Variants in ST18 observed in about 807,000 individuals in gnomAD.
ST18 encodes suppression of tumorigenicity 18 protein.
Under a neutral mutation model 110.0 loss-of-function variants are expected in ST18, and 50 were observed. The observed-to-expected ratio is 0.45, with a 90% CI of 0.36 to 0.58. ST18 has a LOEUF of 0.58. Among genes scored for constraint, ST18 ranks in the 20% least tolerant of loss-of-function variants. The probability of loss-of-function intolerance (pLI) is 0.00; values close to 1 mark genes in which losing one functional copy is unlikely to be tolerated. For missense variants in ST18, 1,306 were observed against 1,280.1 expected (o/e 1.02, Z -0.31); for synonymous variants, 461 against 452.4 (o/e 1.02, Z -0.24).
intron 2 of ST18, chr8:52,296,560 TGTAA>T (rs1179063502): frequency 2.0e-5 from 3 of 152,210 alleles, no homozygotes; most frequent in African/African-American, 7.2e-5. Flanking sequence ...CTGGTGGTAA[TGTAA>T]GTAACTCAGC....
intron 17 of ST18, 141 bp downstream of exon 17, chr8:52,142,789 G>C (rs780131350): frequency 3.4e-5 from 21 of 617,612 alleles, no homozygotes; most frequent in Non-Finnish European, 6.0e-5. Context: ...GCTCAGGTTA[G>C]ATGCGTGTTT....
At chr8:52,283,393 A>G (rs1047644704) in intron 2 of ST18, among the ~76,000 whole-genome samples, 5 of 152,214 alleles carry the variant, frequency 3.3e-5, no homozygotes, top group Non-Finnish European at 7.3e-5. Context: ...TGCTTATGAG[A>G]TAACTCAGGT....
intron 2 of ST18, among the ~76,000 whole-genome samples, chr8:52,317,598 G>C (rs190809163): frequency 1.3e-5 from 2 of 152,118 alleles, no homozygotes; most frequent in African/African-American, 4.8e-5. Flanking sequence ...CTCCCTATAC[G>C]TCATGGTGTG....
intron 3 of ST18, among the ~76,000 whole-genome samples, chr8:52,223,427 T>C (rs984741193): frequency 6.6e-6 from 1 of 152,146 alleles, no homozygotes; most frequent in Non-Finnish European, 1.5e-5. Flanking sequence ...GTGGATCACA[T>C]GAGGCCAGGA....
chr8:52,173,815 T>C (rs1393466454), intron 9 of ST18, among the ~76,000 whole-genome samples: 1 of 152,110 alleles, frequency 6.6e-6, no homozygotes, highest in Non-Finnish European at 1.5e-5. Context: ...ATAAACATCT[T>C]TGGAGGGAAG....
intron 2 of ST18, among the ~76,000 whole-genome samples, chr8:52,375,685 T>A (rs1429673267): frequency 6.6e-6 from 1 of 152,168 alleles, no homozygotes; most frequent in Admixed American, 6.5e-5. Flanking sequence ...ACCCTCCGTA[T>A]GCCAATAACT....
At chr8:52,327,373 C>A (rs1017748026) in intron 2 of ST18, among the ~76,000 whole-genome samples, 2 of 152,178 alleles carry the variant, frequency 1.3e-5, no homozygotes, top group Non-Finnish European at 2.9e-5. Flanking sequence ...TCTGTCCAGC[C>A]ATCTCAACTC....
chr8:52,226,609 G>T (rs565956139), intron 3 of ST18, among the ~76,000 whole-genome samples: 1 of 152,098 alleles, frequency 6.6e-6, no homozygotes, highest in Admixed American at 6.6e-5. Context: ...TCCTGGCTTC[G>T]AAAGAAATAA....
chr8:52,164,001 G>C lies in ST18; in HGVS notation c.1385C>G (p.Pro462Arg), dbSNP rs2062158351. Residue 462 changes from proline to arginine, a missense_variant, in exon 13 of 26, where the codon CCT becomes CGT. Physicochemically the swap from Pro to Arg is moderately radical, Grantham distance 103. Transcript: ENST00000689386. ...GGGTTCATACCTGTGGGCCTGGTCAGGACACTGCCCAGTTTGGGGAGAATC... is the reference window on the plus strand; with the variant it reads ...GGGTTCATACCTGTGGGCCTGGTCACGACACTGCCCAGTTTGGGGAGAATC... ...QLDSPQTGQC[P>R]DQAHRTSLVK... 6.2e-7 allele frequency: 1 copy of C among 1,613,976 alleles called. No individual in the cohort carries two copies. The highest frequency in any genetic ancestry group is 8.5e-7 in the Non-Finnish European group (1 of 1,179,914).
intron 2 of ST18, among the ~76,000 whole-genome samples, chr8:52,327,586 T>C (rs2140012777): frequency 1.3e-5 from 2 of 152,378 alleles, no homozygotes; most frequent in East Asian, 3.9e-4. Context: ...ACCACTGTTT[T>C]ATGTTTTTCA....
intron 2 of ST18, among the ~76,000 whole-genome samples, chr8:52,354,047 C>T (rs2140350143): frequency 6.6e-6 from 1 of 152,242 alleles, no homozygotes; most frequent in East Asian, 1.9e-4. Context: ...CAGCCCAAGT[C>T]CAGCACCAAA....
intron 2 of ST18, among the ~76,000 whole-genome samples, chr8:52,241,034 C>T (rs1319240907): frequency 6.6e-6 from 1 of 152,208 alleles, no homozygotes; most frequent in African/African-American, 2.4e-5. Context: ...TCTGAATCTC[C>T]TATCTTGGCT....
intron 21 of ST18, 25 bp from the exon 22 acceptor site, chr8:52,132,204 C>T: frequency 6.3e-7 from 1 of 1,586,616 alleles, no homozygotes; most frequent in Non-Finnish European, 8.6e-7. Flanking sequence ...GAGACATTAC[C>T]AGCCAGGAAG....
At chr8:52,312,707 T>A (rs1466943650) in intron 2 of ST18, among the ~76,000 whole-genome samples, 1 of 152,204 alleles carries the variant, frequency 6.6e-6, no homozygotes, top group Non-Finnish European at 1.5e-5. Flanking sequence ...AGTATTCATT[T>A]AGTGCTGCTC....
chr8:52,261,468 C>G (rs1439323634), intron 2 of ST18, among the ~76,000 whole-genome samples: 3 of 152,152 alleles, frequency 2.0e-5, no homozygotes, highest in Non-Finnish European at 4.4e-5. Context: ...GATTCAAGAC[C>G]CTTTTTCATT....
chr8:52,150,827 G>T (rs1399232259), intron 15 of ST18: 1 of 152,036 alleles, frequency 6.6e-6, no homozygotes, highest in Admixed American at 6.6e-5. Flanking sequence ...TTTCTGTGTC[G>T]GGAGGAACAG....
At chr8:52,325,506 C>A (rs888060911) in intron 2 of ST18, among the ~76,000 whole-genome samples, 41 of 152,250 alleles carry the variant, frequency 2.7e-4, no homozygotes, top group African/African-American at 8.2e-4. Flanking sequence ...TCCCTATAAT[C>A]ATTATGCATC....
intron 2 of ST18, among the ~76,000 whole-genome samples, chr8:52,383,192 T>C (rs1216109627): frequency 6.6e-6 from 1 of 152,196 alleles, no homozygotes; most frequent in African/African-American, 2.4e-5. Flanking sequence ...AAATTAACTT[T>C]ATTAGAAAGA....
In ST18 at chr8:52,166,291, T is replaced by A. The variant is rs375328290; in HGVS notation, c.1204+561A>T. ...AATTCCCAGAGAGAATGAACAACTT[T>A]CCCACAAGCACACTTTAAAAATGCA... On this transcript the variant is annotated intron_variant, in intron 11 of 25. Transcript: ENST00000689386. Among the ~76,000 whole-genome samples the A allele has an allele frequency of 1.1e-4, 17 of 152,252 alleles. No individual in the cohort carries two copies. The East Asian group carries it at 1.2e-3, about 10-fold the overall frequency.
Sources: allele counts gnomAD v4.1 joint callset (sites outside exome capture counted in the v4.1 genomes callset), GRCh38; gene constraint gnomAD v4.1.1; transcripts MANE v1.5; gene names NCBI Gene and HGNC (gene_info 2026-07-23, HGNC 2026-07-21).